RIC3: variants seen among roughly 807,000 people sequenced by gnomAD.
RIC3 encodes the protein RIC3 acetylcholine receptor chaperone.
In RIC3, 28 loss-of-function variants were observed where a neutral mutation model predicts 27.3. The ratio of observed to expected loss-of-function variants is 1.02; its 90% CI spans 0.76 to 1.41. RIC3 has a LOEUF of 1.41. Among genes scored for constraint, RIC3 ranks in the 40% most tolerant of loss-of-function variants. RIC3 has a pLI of 0.00. For synonymous variants in RIC3, 184 were observed against 160.4 expected, an observed-to-expected ratio of 1.15 and a Z score of -1.11; for missense variants, 501 against 444.7, an observed-to-expected ratio of 1.13 and a Z score of -1.14.
chr11:8,101,987 G>A, downstream of RIC3: 3 of 248,364 alleles, frequency 1.2e-5, no homozygotes, highest in South Asian at 1.9e-4. Context: ...CTGCAGGGCT[G>A]CTGTGGCCCA....
chr11:8,159,597 G>A (rs1330480640), intron 1 of RIC3, among the ~76,000 whole-genome samples: 1 of 152,174 alleles, frequency 6.6e-6, no homozygotes, highest in Non-Finnish European at 1.5e-5. Context: ...CCAACTGGTT[G>A]AATGACCCTA....
At chr11:8,101,856 G>GACTCGGCGA, downstream of RIC3, 5 of 482,844 alleles carry the variant, frequency 1.0e-5, no homozygotes, top group Admixed American at 4.2e-5. Flanking sequence ...TTCTTTCCAT[G>GACTCGGCGA]CCACGAGATC....
intron 3 of RIC3, 60 bp from the exon 4 acceptor site, chr11:8,137,531 G>C (rs760109677): frequency 1.0e-5 from 14 of 1,383,880 alleles, no homozygotes; most frequent in Non-Finnish European, 1.4e-5. Context: ...CTGTTAAAGA[G>C]ACCACAAATT....
chr11:8,143,389 C>G (rs1480353550), intron 1 of RIC3, among the ~76,000 whole-genome samples: 4 of 151,198 alleles, frequency 2.6e-5, no homozygotes, highest in Admixed American at 1.3e-4. Flanking sequence ...CAATAACAGA[C>G]AAACAGAGAG....
chr11:8,095,902 C>T, the RIC3 span, among the ~76,000 whole-genome samples: 1 of 152,216 alleles, frequency 6.6e-6, no homozygotes, highest in Non-Finnish European at 1.5e-5. Context: ...AGAAAAAGCT[C>T]CTTTTGCAAG....
At chr11:8,128,316 T>C (rs534267994) in intron 4 of RIC3, 1 of 456,284 alleles carries the variant, frequency 2.2e-6, no homozygotes, top group African/African-American at 2.0e-5. Context: ...ACAGTCTTAA[T>C]TCTGTTTCCT....
chr11:8,155,501 G>A (rs184657411), intron 1 of RIC3, among the ~76,000 whole-genome samples: 6 of 152,184 alleles, frequency 3.9e-5, no homozygotes, highest in African/African-American at 1.4e-4. Flanking sequence ...GCTTGAACCC[G>A]GGAGGCGGAG....
intron 1 of RIC3, among the ~76,000 whole-genome samples, chr11:8,141,558 G>C (rs1351641305): frequency 1.3e-5 from 2 of 150,934 alleles, no homozygotes; most frequent in African/African-American, 2.4e-5. Flanking sequence ...AAGAGACTTA[G>C]ACTCCCACAC....
rs564168772 is a variant in RIC3, at chr11:8,136,941, A to T, written c.521+437T>A. Among the ~76,000 whole-genome samples, 3 of 152,348 alleles carry T rather than the reference A, an allele frequency of 2.0e-5. No homozygotes were observed. The East Asian group carries it at 5.8e-4, about 29-fold the overall frequency. On this transcript the variant is annotated intron_variant, in intron 4 of 5. Coordinates refer to ENST00000309737, the MANE Select transcript of RIC3 (RefSeq NM_001206671.4). Reference sequence around the variant, plus strand: ...AAATGATAAAGAATACGTAAATGACATATTTACAATTTAAAAACTGACAGT... The same window carrying T: ...AAATGATAAAGAATACGTAAATGACTTATTTACAATTTAAAAACTGACAGT...
intron 4 of RIC3, among the ~76,000 whole-genome samples, chr11:8,132,461 C>G (rs1947856202): frequency 6.6e-6 from 1 of 152,166 alleles, no homozygotes; most frequent in African/African-American, 2.4e-5. Context: ...CACCTCACTT[C>G]TGATTCCTAG....
chr11:8,112,748 T>C (rs192572576), intron 5 of RIC3, among the ~76,000 whole-genome samples: 15 of 152,378 alleles, frequency 9.8e-5, no homozygotes, highest in Non-Finnish European at 1.0e-4. Context: ...TCTCATCATA[T>C]AGCTACATAA....
chr11:8,126,666 G>C lies in RIC3; in HGVS notation c.663C>G (p.Asp221Glu). Residue 221 changes from aspartate to glutamate, a missense_variant, in exon 5 of 6, where the codon GAC becomes GAG. Physicochemically the swap from Asp to Glu is conservative, Grantham distance 45 (BLOSUM62 2). Coordinates refer to ENST00000309737, the MANE Select transcript of RIC3 (RefSeq NM_001206671.4). ...KEAEEAPYME[D>E]WEGYPEETYP... ...TGAGAAGACACTGTTTACCTTCCCA[G>C]TCCTCCATGTAAGGGGCCTCCTCAG... 1 of 1,614,040 alleles carries C rather than the reference G, an allele frequency of 6.2e-7. No individual in the cohort carries two copies. Among genetic ancestry groups the C allele is most frequent in the Non-Finnish European group, 8.5e-7 (1 of 1,179,958 alleles).
chr11:8,113,285 A>G (rs1564964436), intron 5 of RIC3, among the ~76,000 whole-genome samples: 1 of 152,184 alleles, frequency 6.6e-6, no homozygotes, highest in Admixed American at 6.5e-5. Flanking sequence ...TTGAATTTTC[A>G]TGACTATCTG....
intron 5 of RIC3, among the ~76,000 whole-genome samples, chr11:8,116,463 G>A (rs1031959733): frequency 6.6e-6 from 1 of 151,970 alleles, no homozygotes; most frequent in Admixed American, 6.6e-5. Flanking sequence ...TACAGCAAAG[G>A]AAACAACAGT....
intron 1 of RIC3, among the ~76,000 whole-genome samples, chr11:8,162,898 G>A (rs1205231928): frequency 6.6e-6 from 1 of 151,774 alleles, no homozygotes; most frequent in African/African-American, 2.4e-5. Context: ...TGCCTGCCTT[G>A]GGCTCCCCAA....
rs184634071 is a variant in RIC3, at chr11:8,128,697, C to T, written c.522-1890G>A. On this transcript the variant is annotated intron_variant, in intron 4 of 5. Transcript: ENST00000309737. ...TTCCTCACCATCCATTATTTTCTTCCACCTCCCTGAATTCTGGATTCCGTT... is the reference window on the plus strand; with the variant it reads ...TTCCTCACCATCCATTATTTTCTTCTACCTCCCTGAATTCTGGATTCCGTT... 7.2e-5 allele frequency among the ~76,000 whole-genome samples: 11 copies of T among 151,896 alleles called. No homozygotes were observed. In the East Asian group the frequency reaches 2.1e-3, roughly 29 times the overall value.
chr11:8,164,147 A>G (rs2134345054), intron 1 of RIC3, among the ~76,000 whole-genome samples: 1 of 152,324 alleles, frequency 6.6e-6, no homozygotes, highest in East Asian at 1.9e-4. Context: ...ATCCACATGA[A>G]GTTGGACTCC....
intron 1 of RIC3, among the ~76,000 whole-genome samples, chr11:8,165,620 G>T (rs1411301547): frequency 6.6e-6 from 1 of 151,122 alleles, no homozygotes; most frequent in Non-Finnish European, 1.5e-5. Flanking sequence ...AGTGATGGTT[G>T]TACAACTCTG....
the RIC3 span, among the ~76,000 whole-genome samples, chr11:8,099,173 T>C: frequency 6.6e-6 from 1 of 152,124 alleles, no homozygotes; most frequent in Admixed American, 6.5e-5. Context: ...TGGGTTCTTG[T>C]CTGTGCATTT....
Sources: allele counts gnomAD v4.1 joint callset (sites outside exome capture counted in the v4.1 genomes callset), GRCh38; gene constraint gnomAD v4.1.1; transcripts MANE v1.5; gene names NCBI Gene and HGNC (gene_info 2026-07-23, HGNC 2026-07-21).